MTA3: variants seen among roughly 807,000 people sequenced by gnomAD.
MTA3 encodes metastasis associated 1 family member 3, also known as metastasis-associated protein MTA3.
A neutral mutation model predicts 83.5 loss-of-function variants in MTA3; 34 were observed. That is an observed-to-expected ratio of 0.41 (90% confidence interval 0.31 to 0.54). The LOEUF (loss-of-function observed/expected upper bound fraction) is 0.54, where lower values mean the gene tolerates loss of function less well. MTA3 is among the 20% of genes least tolerant of loss of function. MTA3 has a pLI of 0.33. For missense variants in MTA3, 761 were observed against 726.4 expected (o/e 1.05, Z -0.55); for synonymous variants, 303 against 252.7 (o/e 1.20, Z -1.89).
chr2:42,556,051 G>T (rs921725869), intron 2 of MTA3, among the ~76,000 whole-genome samples: 1 of 149,262 alleles, frequency 6.7e-6, no homozygotes, highest in African/African-American at 2.5e-5. Flanking sequence ...CAGCCTGGGC[G>T]ACAGAGCGAG....
chr2:42,571,287 T>G (rs1678448223), intron 2 of MTA3, among the ~76,000 whole-genome samples: 1 of 148,708 alleles, frequency 6.7e-6, no homozygotes, highest in Non-Finnish European at 1.5e-5. Flanking sequence ...TAATCCCAGC[T>G]ACTCAGGAGG....
At chr2:42,661,639 T>C (rs1689728325) in intron 8 of MTA3, among the ~76,000 whole-genome samples, 1 of 152,236 alleles carries the variant, frequency 6.6e-6, no homozygotes. Context: ...GTATATCTGT[T>C]ATGAAAAATT....
At chr2:42,696,939 A>C (rs1693437486) in intron 10 of MTA3, among the ~76,000 whole-genome samples, 1 of 152,202 alleles carries the variant, frequency 6.6e-6, no homozygotes, top group Admixed American at 6.5e-5. Context: ...GAGTCTCTAA[A>C]GATGGAGATG....
intron 14 of MTA3, among the ~76,000 whole-genome samples, chr2:42,711,915 C>G (rs893161780): frequency 6.6e-6 from 1 of 152,030 alleles, no homozygotes; most frequent in Non-Finnish European, 1.5e-5. Flanking sequence ...AATGTACTTT[C>G]AGATAAGGCT....
At chr2:42,712,152 T>G (rs1666670925) in intron 14 of MTA3, among the ~76,000 whole-genome samples, 2 of 152,006 alleles carry the variant, frequency 1.3e-5, no homozygotes, top group East Asian at 3.8e-4. Flanking sequence ...AAACCTGTAT[T>G]AAAGCAAATA....
intron 4 of MTA3, among the ~76,000 whole-genome samples, chr2:42,639,224 C>T (rs540175992): frequency 1.1e-3 from 171 of 151,920 alleles, no homozygotes; most frequent in African/African-American, 4.0e-3. Flanking sequence ...CCATACCCCA[C>T]GAATTTCTAG....
intron 16 of MTA3, chr2:42,752,397 C>G: frequency 2.5e-6 from 1 of 393,478 alleles, no homozygotes; most frequent in Non-Finnish European, 5.2e-6. Context: ...AGCAAACAAC[C>G]CCACTTCCCT....
chr2:42,728,052 T>G (rs1358876754), intron 16 of MTA3, among the ~76,000 whole-genome samples: 1 of 152,178 alleles, frequency 6.6e-6, no homozygotes, highest in East Asian at 1.9e-4. Context: ...TCTTATTCAT[T>G]CTATCTAACT....
chr2:42,532,009 G>T (rs1301195784), intron 2 of MTA3, among the ~76,000 whole-genome samples: 2 of 152,102 alleles, frequency 1.3e-5, no homozygotes, highest in Non-Finnish European at 2.9e-5. Flanking sequence ...GCCCACCTCG[G>T]CCTCCCAAAG....
chr2:42,559,518 A>C (rs1452323294), intron 2 of MTA3, among the ~76,000 whole-genome samples: 1 of 151,214 alleles, frequency 6.6e-6, no homozygotes, highest in Non-Finnish European at 1.5e-5. Context: ...AAAAAAAAAA[A>C]ATTTTGTTTT....
At position 42,708,933 on chromosome 2, in the gene MTA3, C is replaced by T. The variant is rs1196691917; in HGVS notation, c.1362C>T (p.Asn454=). 1.2e-6 allele frequency: 2 copies of T among 1,614,012 alleles called. No individual in the cohort carries two copies. The highest frequency in any genetic ancestry group is 1.7e-6 in the Non-Finnish European group (2 of 1,179,892). ...RQAMQGMPVR[N]TGSPKSAVKT... Reference sequence around the variant, plus strand: ...CCATGCAGGGAATGCCAGTCCGAAACACTGGGAGTCCAAAGTCTGCAGTGA... The same window carrying T: ...CCATGCAGGGAATGCCAGTCCGAAATACTGGGAGTCCAAAGTCTGCAGTGA... Residue 454 remains asparagine, a synonymous_variant, in exon 14 of 17, where the codon AAC becomes AAT. Transcript: ENST00000405094.
chr2:42,530,315 G>T (rs372062979), intron 2 of MTA3, among the ~76,000 whole-genome samples: 1 of 151,300 alleles, frequency 6.6e-6, no homozygotes, highest in African/African-American at 2.4e-5. Flanking sequence ...TGGTGAAACC[G>T]TCTCTACTAA....
At chr2:42,606,287 C>T (rs1683388606) in intron 3 of MTA3, among the ~76,000 whole-genome samples, 1 of 147,668 alleles carries the variant, frequency 6.8e-6, no homozygotes. Flanking sequence ...GGCGGAGACG[C>T]TCCTCACTTC....
At chr2:42,739,054 T>A (rs1668824623) in intron 16 of MTA3, among the ~76,000 whole-genome samples, 1 of 152,226 alleles carries the variant, frequency 6.6e-6, no homozygotes, top group Non-Finnish European at 1.5e-5. Context: ...TGTGATATTC[T>A]ATTACCCTGT....
chr2:42,560,184 G>A (rs1215092471), intron 2 of MTA3, among the ~76,000 whole-genome samples: 6 of 152,066 alleles, frequency 3.9e-5, no homozygotes, highest in South Asian at 2.1e-4. Context: ...CACCACGCCC[G>A]GCTAATTTTG....
At chr2:42,621,841 C>A (rs1358857586) in intron 4 of MTA3, among the ~76,000 whole-genome samples, 1 of 150,508 alleles carries the variant, frequency 6.6e-6, no homozygotes, top group Non-Finnish European at 1.5e-5. Context: ...AGAGGCGCTC[C>A]CCACATCTCA....
rs148266165 is a variant in MTA3, at chr2:42,684,837, T to C, written c.891+2248T>C. On this transcript the variant is annotated intron_variant, in intron 9 of 16. Coordinates refer to ENST00000405094, the MANE Select transcript of MTA3 (RefSeq NM_001330442.2). Reference sequence around the variant, plus strand: ...AAGGCACTAGGCATGCAACAAAAATTGAATGTGGTCCTTACTTCAAGGAAT... The same window carrying C: ...AAGGCACTAGGCATGCAACAAAAATCGAATGTGGTCCTTACTTCAAGGAAT... Among the ~76,000 whole-genome samples the C allele has an allele frequency of 1.5e-3, 229 of 152,326 alleles. 1 individual carries two copies. Among genetic ancestry groups the C allele is most frequent in the Non-Finnish European group, 2.7e-3 (185 of 68,020 alleles).
chr2:42,664,175 T>C (rs1410041590), intron 8 of MTA3, among the ~76,000 whole-genome samples: 1 of 152,180 alleles, frequency 6.6e-6, no homozygotes, highest in African/African-American at 2.4e-5. Flanking sequence ...ATGTGTTTTT[T>C]TGCTTGCAAC....
chr2:42,595,260 C>T (rs990813828), intron 3 of MTA3, among the ~76,000 whole-genome samples: 2 of 149,290 alleles, frequency 1.3e-5, no homozygotes, highest in South Asian at 2.1e-4. Context: ...CAGGTGCCTG[C>T]CACCATGCCC....
Sources: allele counts gnomAD v4.1 joint callset (sites outside exome capture counted in the v4.1 genomes callset), GRCh38; gene constraint gnomAD v4.1.1; transcripts MANE v1.5; gene names NCBI Gene and HGNC (gene_info 2026-07-23, HGNC 2026-07-21).